FAAH2: variants seen among roughly 807,000 people sequenced by gnomAD.
FAAH2 encodes the protein fatty acid amide hydrolase 2.
Under a neutral mutation model 36.9 loss-of-function variants are expected in FAAH2, and 60 were observed. That is an observed-to-expected ratio of 1.63 (90% CI 1.32 to 2.02). FAAH2 has a LOEUF of 2.02. Ranked by LOEUF, FAAH2 falls within the 30% of genes most tolerant of loss-of-function variation. The pLI is 0.00. For synonymous variants in FAAH2, 214 were observed against 143.8 expected (o/e 1.49, Z -3.49); for missense variants, 689 against 397.5 (o/e 1.73, Z -6.23).
chrX:57,229,769 T>C, the FAAH2 span, among the ~76,000 whole-genome samples: 1 of 111,936 alleles, frequency 8.9e-6, no homozygotes, highest in East Asian at 2.8e-4. Context: ...TCTATACTTG[T>C]TACCCATAAT....
At chrX:57,433,358 A>G (rs2056343920) in intron 8 of FAAH2, among the ~76,000 whole-genome samples, 1 of 110,225 alleles carries the variant, frequency 9.1e-6, no homozygotes, top group South Asian at 3.8e-4. Flanking sequence ...GGTCATAACC[A>G]CTTTACCATG....
the FAAH2 span, among the ~76,000 whole-genome samples, chrX:57,243,918 G>A: frequency 9.1e-6 from 1 of 109,643 alleles, no homozygotes; most frequent in Non-Finnish European, 1.9e-5. Flanking sequence ...GACAGAAGTA[G>A]GCTTCAGAAG....
At chrX:57,175,164 G>A in the FAAH2 span, among the ~76,000 whole-genome samples, 1 of 111,673 alleles carries the variant, frequency 9.0e-6, no homozygotes, top group South Asian at 3.7e-4. Context: ...CTTGTTGTCA[G>A]TGGAGTGTTG....
chrX:57,219,863 CTTTTTTTTT>C, the FAAH2 span, among the ~76,000 whole-genome samples: 1 of 35,640 alleles, frequency 2.8e-5, no homozygotes, highest in African/African-American at 1.1e-4. Context: ...AGCGCCTTGT[CTTTTTTTTT>C]TTTTTTTTTT....
At chrX:57,175,523 G>A in the FAAH2 span, among the ~76,000 whole-genome samples, 3 of 111,615 alleles carry the variant, frequency 2.7e-5, no homozygotes, top group African/African-American at 9.7e-5. Flanking sequence ...TATCTATTTT[G>A]CCAACCTGTA....
chrX:57,229,181 T>A, the FAAH2 span: 1 of 112,240 alleles, frequency 8.9e-6, no homozygotes. Context: ...GAGACAGTGT[T>A]GACAATGAGC....
chrX:57,363,661 T>G (rs1345113893), intron 5 of FAAH2, among the ~76,000 whole-genome samples: 1 of 111,564 alleles, frequency 9.0e-6, no homozygotes, highest in Non-Finnish European at 1.9e-5. Flanking sequence ...AGGGGAACAC[T>G]TCCAGCTTTA....
the FAAH2 span, among the ~76,000 whole-genome samples, chrX:57,145,253 T>TGGGG: frequency 3.9e-5 from 4 of 102,927 alleles, no homozygotes; most frequent in African/African-American, 1.6e-4. Context: ...ATCATTCTTT[T>TGGGG]GGGGGGGGGT....
chrX:57,242,245 G>C, the FAAH2 span, among the ~76,000 whole-genome samples: 1 of 112,254 alleles, frequency 8.9e-6, no homozygotes, highest in Non-Finnish European at 1.9e-5. Flanking sequence ...CTGAGACAAA[G>C]CTTCCAGATG....
chrX:57,295,598 G>A (rs1166840330), intron 2 of FAAH2, among the ~76,000 whole-genome samples: 1 of 111,719 alleles, frequency 9.0e-6, no homozygotes, highest in African/African-American at 3.3e-5. Flanking sequence ...GGGGAGTGCT[G>A]GACAGTGGGT....
At chrX:57,427,687 T>A (rs956508904) in intron 7 of FAAH2, among the ~76,000 whole-genome samples, 6 of 111,162 alleles carry the variant, frequency 5.4e-5, no homozygotes, top group African/African-American at 2.0e-4. Flanking sequence ...CAGAAAAAAA[T>A]TAATAGAATT....
chrX:57,488,015 C>T (rs2057506032), intron 10 of FAAH2, among the ~76,000 whole-genome samples: 1 of 110,907 alleles, frequency 9.0e-6, no homozygotes, highest in Admixed American at 9.7e-5. Flanking sequence ...AGAAATCAGA[C>T]AAAAAATGTT....
chrX:57,383,228 T>C (rs2054906922), intron 7 of FAAH2, among the ~76,000 whole-genome samples: 2 of 111,769 alleles, frequency 1.8e-5, no homozygotes, highest in Non-Finnish European at 1.9e-5. Context: ...TCATACTGAA[T>C]GGCAAAAACT....
At chrX:57,392,501 C>T (rs1205865178) in intron 7 of FAAH2, 5 of 700,735 alleles carry the variant, frequency 7.1e-6, no homozygotes, top group East Asian at 3.6e-5. Flanking sequence ...AAATGACATC[C>T]GGGAAAACTC....
the FAAH2 span, among the ~76,000 whole-genome samples, chrX:57,163,081 A>G: frequency 8.9e-6 from 1 of 111,760 alleles, no homozygotes; most frequent in African/African-American, 3.3e-5. Context: ...CTTCTAACAG[A>G]CAGGACCCTC....
At chrX:57,329,722 G>A (rs1214434470) in intron 3 of FAAH2, among the ~76,000 whole-genome samples, 1 of 110,621 alleles carries the variant, frequency 9.0e-6, no homozygotes, top group Non-Finnish European at 1.9e-5. Flanking sequence ...AAGGGAGGCT[G>A]CCGTAGTGGC....
intron 10 of FAAH2, among the ~76,000 whole-genome samples, chrX:57,477,527 A>T (rs1273572856): frequency 9.0e-6 from 1 of 110,810 alleles, no homozygotes; most frequent in Admixed American, 9.7e-5. Context: ...TCTAGGGTGC[A>T]TGTGCACAAT....
At chrX:57,447,166 C>A (rs936573712) in intron 9 of FAAH2, 127 bp downstream of exon 9, 2 of 429,665 alleles carry the variant, frequency 4.7e-6, no homozygotes, top group Non-Finnish European at 7.8e-6. Context: ...AATCTTAACG[C>A]TCCAAAATGA....
At chrX:57,299,691 G>T (rs1183274857) in intron 2 of FAAH2, among the ~76,000 whole-genome samples, 6 of 111,672 alleles carry the variant, frequency 5.4e-5, no homozygotes, top group African/African-American at 2.0e-4. Flanking sequence ...TGACATGATT[G>T]TATATCTAGA....
Sources: gnomAD v4.1 joint callset for allele counts (sites outside exome capture counted in the v4.1 genomes callset) on GRCh38, gnomAD v4.1.1 for gene constraint, MANE v1.5 for transcripts, NCBI Gene and HGNC (gene_info 2026-07-23, HGNC 2026-07-21) for gene names.